Variants in FAM219B observed in about 807,000 individuals in gnomAD.
FAM219B encodes protein FAM219B.
A neutral mutation model predicts 19.9 loss-of-function variants in FAM219B; 18 were observed. The observed-to-expected ratio is 0.91, with a 90% confidence interval of 0.63 to 1.34. The LOEUF (loss-of-function observed/expected upper bound fraction) is 1.34, where lower values mean the gene tolerates loss of function less well. Among genes scored for constraint, FAM219B ranks in the 40% most tolerant of loss-of-function variants. The pLI is 0.00. For missense variants in FAM219B, 283 were observed against 270.5 expected, an observed-to-expected ratio of 1.05 and a Z score of -0.32; for synonymous variants, 123 against 117.5, an observed-to-expected ratio of 1.05 and a Z score of -0.30.
Position 74,906,323 on chromosome 15 carries a change from C to A in FAM219B, c.257G>T (p.Gly86Val), listed in dbSNP as rs973703655. 7.4e-6 allele frequency: 12 copies of A among 1,613,410 alleles called. No homozygotes were observed. Among genetic ancestry groups the A allele is most frequent in the Non-Finnish European group, 1.0e-5 (12 of 1,179,934 alleles). Reference protein sequence around the residue: ...DLAKAVLRRKGMLGASPNRPD... With the variant: ...DLAKAVLRRKVMLGASPNRPD... ...GCGGTTCGGCGAGGCCCCCAGCATG[C>A]CTTTTCTCCGCAGAACGGCCTTGGC... Residue 86 changes from glycine (G) to valine (V), a missense_variant, in exon 2 of 5, where the codon GGC becomes GTC. Gly to Val is a moderately radical substitution (Grantham distance 109). Coordinates refer to ENST00000357635, the MANE Select transcript of FAM219B (RefSeq NM_020447.5).
At chr15:74,906,540 C>T in intron 1 of FAM219B, 47 bp downstream of exon 1, 1 of 1,465,298 alleles carries the variant, frequency 6.8e-7, no homozygotes, top group African/African-American at 1.4e-5. Flanking sequence ...GGGGACGCGG[C>T]CGCCCGCCCA....
At chr15:74,898,009 GT>G (rs1661787932), downstream of FAM219B, 2 of 504,306 alleles carry the variant, frequency 4.0e-6, no homozygotes, top group Non-Finnish European at 7.3e-6. Context: ...TGCCAACTCT[GT>G]TCCAGCCTAT....
At chr15:74,899,480 C>A (rs1370061275), downstream of FAM219B, 1 of 152,174 alleles carries the variant, frequency 6.6e-6, no homozygotes, top group East Asian at 1.9e-4. Context: ...AAGTGACTTG[C>A]AAGAGCCTAT....
chr15:74,904,533 G>A (rs1447937741), intron 4 of FAM219B, 131 bp downstream of exon 4: 2 of 1,108,928 alleles, frequency 1.8e-6, no homozygotes, highest in African/African-American at 3.1e-5. Flanking sequence ...AGAGGGCAGA[G>A]TGGAAGATCG....
chr15:74,899,280 A>G (rs2064870634), downstream of FAM219B: 1 of 152,172 alleles, frequency 6.6e-6, no homozygotes, highest in Non-Finnish European at 1.5e-5. Flanking sequence ...TTCCTGTGGG[A>G]TAAAGGTTTA....
Position 74,902,641 on chromosome 15 carries a change from G to A in FAM219B, c.575C>T (p.Ser192Phe). The change falls in exon 5 of 5, where the codon TCT (serine) becomes TTT (phenylalanine). Residue 192 changes from serine to phenylalanine, a missense_variant. By Grantham distance (155) the Ser-to-Phe change is radical. Coordinates refer to ENST00000357635, the MANE Select transcript of FAM219B (RefSeq NM_020447.5). ...CSCCWCCLGDSSSCTLQ is the reference protein window; with the variant it reads ...CSCCWCCLGDFSSCTLQ ...TGTCTACTGGAGGGTACAGGAAGAA[G>A]AGTCCCCAAGACAGCACCAGCAGCA... is the stretch of plus-strand genomic sequence containing the variant. The A allele has an allele frequency of 1.2e-6, 2 of 1,611,358 alleles. No individual in the cohort carries two copies. Among genetic ancestry groups the A allele is most frequent in the Non-Finnish European group, 1.7e-6 (2 of 1,178,672 alleles).
rs2065137910 is a variant in FAM219B at position 74,905,228 on chromosome 15, T to C, written c.306A>G (p.Ser102=). ...CAGTATAGCCCTTGTTAAACTTCAC[T>C]GACCTGAGGGGAGACGGGGGAGAAG... is the stretch of plus-strand genomic sequence containing the variant. ...PNRPDSSGKR[S]VKFNKGYTAL... The change falls in exon 3 of 5, where the codon TCA becomes TCG. Residue 102 remains serine (S), a synonymous_variant. Coordinates refer to ENST00000357635, the MANE Select transcript of FAM219B (RefSeq NM_020447.5). 1.9e-6 allele frequency: 3 copies of C among 1,613,836 alleles called. No homozygotes were observed. In the East Asian group the frequency reaches 6.7e-5, roughly 36 times the overall value.
intron 2 of FAM219B, 22 bp from the exon 3 acceptor site, chr15:74,905,253 G>A (rs1454617467): frequency 1.2e-6 from 2 of 1,610,628 alleles, no homozygotes; most frequent in Non-Finnish European, 1.7e-6. Context: ...CGGGGGAGAA[G>A]AGACCAAACA....
At position 74,906,576 on chromosome 15, in the gene FAM219B, G is replaced by A; in HGVS notation, c.214+11C>T. ...GGGAGAAACCTCCCCCGACCATCGG[G>A]CCACACTCACGCAGCTTGGCTTGAA... On this transcript the variant is annotated intron_variant, in intron 1 of 4. Coordinates refer to ENST00000357635, the MANE Select transcript of FAM219B (RefSeq NM_020447.5). 6.7e-7 allele frequency: 1 copy of A among 1,500,340 alleles called. No individual in the cohort carries two copies. The allele number at this position is 1,500,340 out of a possible 1,614,324, so 92.9% of individuals were successfully genotyped here. A position where few individuals can be genotyped will look rare whatever the true frequency, so the allele number is the denominator to read the frequency against.
Position 74,902,316 on chromosome 15 carries a change from C to T in FAM219B, c.*303G>A. ...CTATGACAAATACCAATCAAGCTGT[C>T]TGCAAGTGTTTTCCTTAGCCACCTT... On this transcript the variant is annotated 3_prime_UTR_variant, in exon 5 of 5. Coordinates refer to ENST00000357635, the MANE Select transcript of FAM219B (RefSeq NM_020447.5). The T allele has an allele frequency of 2.5e-6, 1 of 404,426 alleles. No individual in the cohort carries two copies. Among genetic ancestry groups the T allele is most frequent in the Non-Finnish European group, 4.4e-6 (1 of 229,600 alleles). The allele number at this position is 404,426 out of a possible 1,614,324, so 25.1% of individuals were successfully genotyped here. A position where few individuals can be genotyped will look rare whatever the true frequency, so the allele number is the denominator to read the frequency against.
At chr15:74,904,986 GA>G (rs765421342) in intron 3 of FAM219B, 167 bp downstream of exon 3, 341 of 1,541,274 alleles carry the variant, frequency 2.2e-4, no homozygotes, top group Non-Finnish European at 2.8e-4. Flanking sequence ...GATTACCTAT[GA>G]GTCTTCTAAC....
intron 4 of FAM219B, among the ~76,000 whole-genome samples, chr15:74,903,146 A>T (rs1410714310): frequency 6.6e-6 from 1 of 152,210 alleles, no homozygotes; most frequent in African/African-American, 2.4e-5. Flanking sequence ...ATGGGATAAT[A>T]ACAGAACAAT....
intron 3 of FAM219B, 187 bp downstream of exon 3, chr15:74,904,967 G>A (rs1206960571): frequency 1.3e-6 from 2 of 1,537,872 alleles, no homozygotes; most frequent in Middle Eastern, 3.4e-4. Context: ...CCGAATTCTA[G>A]AGCAGCACGA....
chr15:74,903,440 A>T (rs1278417369), intron 4 of FAM219B, among the ~76,000 whole-genome samples: 1 of 151,948 alleles, frequency 6.6e-6, no homozygotes, highest in Non-Finnish European at 1.5e-5. Flanking sequence ...CTCTACTAAA[A>T]AATAGAAAAA....
At chr15:74,898,349 A>G (rs7497201), downstream of FAM219B, 116,276 of 171,188 alleles carry the variant, frequency 0.68, 39,923 homozygotes, top group East Asian at 0.88. Context: ...TTCTCGGGGG[A>G]GTGAGCAGGC....
downstream of FAM219B, chr15:74,898,772 C>G (rs1005143479): frequency 2.6e-5 from 4 of 152,294 alleles, no homozygotes; most frequent in Non-Finnish European, 4.4e-5. Context: ...ATCTTCTGAC[C>G]TCGTGATCCG....
At chr15:74,906,565 C>A in intron 1 of FAM219B, 22 bp downstream of exon 1, 2 of 1,490,870 alleles carry the variant, frequency 1.3e-6, no homozygotes, top group African/African-American at 1.4e-5. Flanking sequence ...GAAACCTCCC[C>A]CGACCATCGG....
chr15:74,906,130 C>T (rs1245015055), intron 2 of FAM219B, 148 bp downstream of exon 2: 2 of 764,830 alleles, frequency 2.6e-6, no homozygotes, highest in South Asian at 1.8e-5. Flanking sequence ...AGAGATTGTT[C>T]CTCTTCCCAT....
In FAM219B at chr15:74,900,483, G is replaced by C. The variant is rs2064909789; in HGVS notation, c.*2136C>G. The C allele has an allele frequency of 6.6e-6, 1 of 152,330 alleles. No individual in the cohort carries two copies. Among genetic ancestry groups the C allele is most frequent in the African/African-American group, 2.4e-5 (1 of 41,452 alleles). 9.4% of individuals were successfully genotyped at this position (152,330 alleles called of 1,614,324 possible). ...TGACCACCTCCCCAACAGAGATGTA[G>C]GTCTATACTTACCTTCCACAGCCAC... On this transcript the variant is annotated 3_prime_UTR_variant, in exon 5 of 5. Coordinates refer to ENST00000357635, the MANE Select transcript of FAM219B (RefSeq NM_020447.5).
Sources: allele counts gnomAD v4.1 joint callset (sites outside exome capture counted in the v4.1 genomes callset), GRCh38; gene constraint gnomAD v4.1.1; transcripts MANE v1.5; gene names NCBI Gene and HGNC (gene_info 2026-07-23, HGNC 2026-07-21).